RAB3IP: variants seen among roughly 807,000 people sequenced by gnomAD.
RAB3IP encodes RAB3A interacting protein.
RAB3IP carries 36 observed loss-of-function variants against 59.1 expected under a neutral mutation model. That is an observed-to-expected ratio of 0.61 (90% CI 0.47 to 0.80). The LOEUF is 0.80. RAB3IP is among the 30% of genes least tolerant of loss of function. The probability of loss-of-function intolerance (pLI) is 0.00; values close to 1 mark genes in which losing one functional copy is unlikely to be tolerated. For missense variants in RAB3IP, 511 were observed against 536.0 expected, an observed-to-expected ratio of 0.95 and a Z score of 0.46; for synonymous variants, 207 against 191.2, an observed-to-expected ratio of 1.08 and a Z score of -0.68.
chr12:69,801,602 T>G lies in RAB3IP; in HGVS notation c.1018-7T>G. ...ATAGCATCTAGTACTTTTTCTTTTTTTTTAAGTTGGCTTCAGCTGTTCTGG... is the reference window on the plus strand; with the variant it reads ...ATAGCATCTAGTACTTTTTCTTTTTGTTTAAGTTGGCTTCAGCTGTTCTGG... On this transcript the variant is annotated splice_region_variant and splice_polypyrimidine_tract_variant and intron_variant, in intron 7 of 10. Coordinates refer to ENST00000247833, the MANE Select transcript of RAB3IP (RefSeq NM_022456.5). 1 of 1,595,702 alleles carries G rather than the reference T, an allele frequency of 6.3e-7. No homozygotes were observed. The highest frequency in any genetic ancestry group is 8.6e-7 in the Non-Finnish European group (1 of 1,168,122).
At chr12:69,768,280 G>A (rs539561690) in intron 3 of RAB3IP, among the ~76,000 whole-genome samples, 3 of 152,274 alleles carry the variant, frequency 2.0e-5, no homozygotes, top group African/African-American at 7.2e-5. Context: ...GAAAGGGTAG[G>A]GTGGTTCAGG....
intron 1 of RAB3IP, among the ~76,000 whole-genome samples, chr12:69,741,354 C>T (rs564719874): frequency 1.3e-5 from 2 of 152,266 alleles, no homozygotes; most frequent in East Asian, 3.9e-4. Context: ...AGTGACAGAG[C>T]CGGTATTAAA....
At chr12:69,787,416 A>C (rs574282347) in intron 4 of RAB3IP, among the ~76,000 whole-genome samples, 1 of 152,182 alleles carries the variant, frequency 6.6e-6, no homozygotes, top group Non-Finnish European at 1.5e-5. Context: ...TGATATGTCT[A>C]GTTTTCTCCC....
rs2136302969 is a variant in RAB3IP at position 69,820,778 on chromosome 12, A to C, written c.*5332A>C. The C allele has an allele frequency of 6.8e-6, 1 of 148,104 alleles. No homozygotes were observed. The highest frequency in any genetic ancestry group is 2.2e-4 in the South Asian group (1 of 4,536). The allele number at this position is 148,104 out of a possible 1,614,324, so 9.2% of individuals were successfully genotyped here. A position where few individuals can be genotyped will look rare whatever the true frequency, so the allele number is the denominator to read the frequency against. ...GAGGCTGAGTCAGGAGAAACGCTCG[A>C]ACCCAGGAGGCAGAGGTTGTGGTGA... is the stretch of plus-strand genomic sequence containing the variant. On this transcript the variant is annotated 3_prime_UTR_variant, in exon 11 of 11. Transcript: ENST00000247833.
intron 3 of RAB3IP, among the ~76,000 whole-genome samples, chr12:69,767,528 C>G (rs1303540737): frequency 6.6e-6 from 1 of 152,232 alleles, no homozygotes; most frequent in Non-Finnish European, 1.5e-5. Flanking sequence ...GGGCGGCCAC[C>G]AAGTACCCAG....
At chr12:69,764,434 G>A (rs1246760438) in intron 3 of RAB3IP, among the ~76,000 whole-genome samples, 1 of 152,094 alleles carries the variant, frequency 6.6e-6, no homozygotes, top group Non-Finnish European at 1.5e-5. Context: ...GTTGATTTTT[G>A]TCAAAGATCA....
chr12:69,760,154 G>T (rs1461184212), intron 3 of RAB3IP, among the ~76,000 whole-genome samples: 1 of 152,266 alleles, frequency 6.6e-6, no homozygotes, highest in Non-Finnish European at 1.5e-5. Flanking sequence ...GAGGCTGGCG[G>T]ATCACTCACG....
At chr12:69,779,490 T>G (rs1874265091) in intron 3 of RAB3IP, among the ~76,000 whole-genome samples, 1 of 152,164 alleles carries the variant, frequency 6.6e-6, no homozygotes, top group Admixed American at 6.5e-5. Flanking sequence ...TCGAACATTT[T>G]CTCTTTTGAT....
At chr12:69,811,050 C>T (rs117678951) in intron 8 of RAB3IP, among the ~76,000 whole-genome samples, 5,094 of 152,174 alleles carry the variant, frequency 0.033, 110 homozygotes, top group Non-Finnish European at 0.048. Context: ...TACTATACAG[C>T]CATAAAAAAG....
intron 8 of RAB3IP, among the ~76,000 whole-genome samples, chr12:69,804,713 T>C (rs1375341135): frequency 6.6e-6 from 1 of 151,756 alleles, no homozygotes; most frequent in Non-Finnish European, 1.5e-5. Context: ...TTTCTACATA[T>C]GGCTAGCCAG....
chr12:69,765,196 G>A (rs1229305624), intron 3 of RAB3IP, among the ~76,000 whole-genome samples: 2 of 152,182 alleles, frequency 1.3e-5, no homozygotes, highest in African/African-American at 4.8e-5. Flanking sequence ...AATGGTGAGA[G>A]TGGGCATCGT....
Position 69,820,826 on chromosome 12 carries a change from C to G in RAB3IP, c.*5380C>G, listed in dbSNP as rs867683742. The stretch of plus-strand genomic sequence containing the variant: ...TGAGTTGACATCACGCCATTGCACT[C>G]CAGCCTGGGCAACAAGAGTGAAACT... On this transcript the variant is annotated 3_prime_UTR_variant, in exon 11 of 11. Transcript: ENST00000247833. 2.3e-4 allele frequency: 31 copies of G among 135,768 alleles called. No homozygotes were observed. Among genetic ancestry groups the G allele is most frequent in the African/African-American group, 7.5e-4 (27 of 35,910 alleles). 8.4% of individuals were successfully genotyped at this position (135,768 alleles called of 1,614,324 possible).
intron 10 of RAB3IP, 68 bp from the exon 11 acceptor site, chr12:69,815,296 A>G (rs1168601580): frequency 8.8e-7 from 1 of 1,130,692 alleles, no homozygotes; most frequent in Non-Finnish European, 1.3e-6. Context: ...TAAGGTTTTC[A>G]GCGAAACATT....
intron 3 of RAB3IP, among the ~76,000 whole-genome samples, chr12:69,759,711 CT>C (rs1292891157): frequency 6.6e-6 from 1 of 150,412 alleles, no homozygotes; most frequent in African/African-American, 2.5e-5. Flanking sequence ...GACCCCCCAC[CT>C]CCCTCCCGGA....
rs769647758 is a variant in RAB3IP, at chr12:69,801,654, AT to A, written c.1065del (p.Ile355MetfsTer12). On this transcript the variant is annotated frameshift_variant, in exon 8 of 11. Transcript: ENST00000247833. LOFTEE classifies it high-confidence loss of function. ...LEAVENNTLS[I>X]EPVGLQPIRF... ...GGCTGTGGAAAACAATACTCTAAGCATTGAACCAGTGGGATTACAACCTATC... is the reference window on the plus strand; with the variant it reads ...GGCTGTGGAAAACAATACTCTAAGCATGAACCAGTGGGATTACAACCTATC... 1 of 1,613,050 alleles carries A rather than the reference AT, an allele frequency of 6.2e-7. No individual in the cohort carries two copies. Among genetic ancestry groups the A allele is most frequent in the Non-Finnish European group, 8.5e-7 (1 of 1,179,408 alleles).
rs139822011 is a variant in RAB3IP at position 69,752,234 on chromosome 12, G to A, written c.-25-3150G>A. Among the ~76,000 whole-genome samples the A allele has an allele frequency of 3.4e-3, 515 of 150,484 alleles. 9 individuals carry two copies. Among genetic ancestry groups the A allele is most frequent in the African/African-American group, 0.012 (495 of 41,100 alleles). On this transcript the variant is annotated intron_variant, in intron 1 of 10. Coordinates refer to ENST00000247833, the MANE Select transcript of RAB3IP (RefSeq NM_022456.5). ...GCCCAGGCTAGTCTTTTAACTCTTGGCCACAATTGTCCTCCTGCTTCTGTG... is the reference window on the plus strand; with the variant it reads ...GCCCAGGCTAGTCTTTTAACTCTTGACCACAATTGTCCTCCTGCTTCTGTG...
At chr12:69,758,895 C>T (rs564347905) in intron 3 of RAB3IP, among the ~76,000 whole-genome samples, 27 of 150,614 alleles carry the variant, frequency 1.8e-4, no homozygotes, top group African/African-American at 5.1e-4. Context: ...CTTTGTCTTC[C>T]GGCATCTATC....
chr12:69,786,793 TTAGGCAA>T (rs11277861), intron 4 of RAB3IP, among the ~76,000 whole-genome samples: 114,911 of 150,998 alleles, frequency 0.76, 43,795 homozygotes, highest in East Asian at 0.87. Flanking sequence ...GAAATGCAGC[TTAGGCAA>T]TAGGCAATAA....
chr12:69,806,202 A>C (rs1040704490), intron 8 of RAB3IP, among the ~76,000 whole-genome samples: 1 of 152,188 alleles, frequency 6.6e-6, no homozygotes. Flanking sequence ...CAGAGATTCA[A>C]CTTCTTCCTG....
Sources: gnomAD v4.1 joint callset for allele counts (sites outside exome capture counted in the v4.1 genomes callset) on GRCh38, gnomAD v4.1.1 for gene constraint, MANE v1.5 for transcripts, NCBI Gene and HGNC (gene_info 2026-07-23, HGNC 2026-07-21) for gene names.